The following ASAP1 variants were observed in gnomAD, a reference collection of about 807,000 sequenced individuals.
The protein encoded by ASAP1 is arf-GAP with SH3 domain, ANK repeat and PH domain-containing protein 1.
ASAP1 carries 43 observed loss-of-function variants against 145.2 expected under a neutral mutation model. The ratio of observed to expected loss-of-function variants is 0.30; its 90% CI spans 0.23 to 0.38. The LOEUF (loss-of-function observed/expected upper bound fraction) is 0.38, where lower values mean the gene tolerates loss of function less well. Ranked by LOEUF, ASAP1 falls within the 10% of genes least tolerant of loss-of-function variation. The pLI, the probability that ASAP1 is intolerant of heterozygous loss-of-function variation, is 1.00. For missense variants in ASAP1, 1,018 were observed against 1,355.3 expected (o/e 0.75, Z 3.91); for synonymous variants, 546 against 515.5 (o/e 1.06, Z -0.80).
chr8:130,359,845 G>A (rs953229215), intron 2 of ASAP1, among the ~76,000 whole-genome samples: 1 of 151,396 alleles, frequency 6.6e-6, no homozygotes, highest in African/African-American at 2.4e-5. Flanking sequence ...GGATGGTCTC[G>A]ATCTCCTGAC....
At position 130,053,067 on chromosome 8, in the gene ASAP1, G is replaced by A. The variant is rs903339998; in HGVS notation, c.*1664C>T. The stretch of plus-strand genomic sequence containing the variant: ...AATATTTTGCAGGTTTGTCATGCAA[G>A]GTTTATTTATTAGGTGGCTATTCAA... On this transcript the variant is annotated 3_prime_UTR_variant, in exon 30 of 30. Transcript: ENST00000518721. The A allele has an allele frequency of 8.5e-5, 13 of 152,250 alleles. No homozygotes were observed. The highest frequency in any genetic ancestry group is 2.9e-4 in the African/African-American group (12 of 41,556). 9.4% of individuals were successfully genotyped at this position (152,250 alleles called of 1,614,324 possible). A position where few individuals can be genotyped will look rare whatever the true frequency, so the allele number is the denominator to read the frequency against.
chr8:130,385,630 G>A (rs2138430481), intron 2 of ASAP1, among the ~76,000 whole-genome samples: 2 of 152,342 alleles, frequency 1.3e-5, no homozygotes, highest in African/African-American at 4.8e-5. Flanking sequence ...GAAGTGATTG[G>A]TGAATGGATG....
Position 130,425,348 on chromosome 8 carries a change from TGTA to T in ASAP1, c.-28+18109_-28+18111del, listed in dbSNP as rs1326545907. On this transcript the variant is annotated intron_variant, in intron 1 of 29. Transcript: ENST00000518721. ...CTCCATCTCAAAATATATATATATA[TGTA>T]AATAAAAATACAAAAATAAGCCATG... 2.7e-5 allele frequency among the ~76,000 whole-genome samples: 4 copies of T among 150,834 alleles called. No homozygotes were observed. The East Asian group carries it at 7.8e-4, about 29-fold the overall frequency.
intron 4 of ASAP1, among the ~76,000 whole-genome samples, chr8:130,236,306 T>C (rs1469395727): frequency 6.6e-6 from 1 of 152,046 alleles, no homozygotes; most frequent in Non-Finnish European, 1.5e-5. Context: ...CTACCATTTT[T>C]TGTGGTTACT....
At chr8:130,307,445 C>T (rs757238474) in intron 3 of ASAP1, among the ~76,000 whole-genome samples, 9 of 152,142 alleles carry the variant, frequency 5.9e-5, no homozygotes, top group Non-Finnish European at 8.8e-5. Flanking sequence ...GTCTAAGCCA[C>T]GCCAAGTAGA....
At chr8:130,227,643 C>A (rs1370911570) in intron 4 of ASAP1, among the ~76,000 whole-genome samples, 1 of 149,696 alleles carries the variant, frequency 6.7e-6, no homozygotes, top group Non-Finnish European at 1.5e-5. Flanking sequence ...TTTATTTAAT[C>A]AATTATAAAT....
intron 3 of ASAP1, among the ~76,000 whole-genome samples, chr8:130,303,939 G>A (rs1342928433): frequency 6.6e-6 from 1 of 152,004 alleles, no homozygotes; most frequent in Non-Finnish European, 1.5e-5. Flanking sequence ...CCCTTGTCAT[G>A]GTTAATGAAT....
In ASAP1 at chr8:130,081,195, G is replaced by A. The variant is rs564780537; in HGVS notation, c.2573-1224C>T. On this transcript the variant is annotated intron_variant, in intron 25 of 29. Coordinates refer to ENST00000518721, the MANE Select transcript of ASAP1 (RefSeq NM_018482.4). ...CTGTCTGGGGAAGACATAGCACCTG[G>A]ACAGGTGAAGAACTTTCTAGCGGGT... Among the ~76,000 whole-genome samples, 87 of 152,352 alleles carry A rather than the reference G, an allele frequency of 5.7e-4. 1 individual carries two copies. The South Asian group carries it at 0.017, about 30-fold the overall frequency.
intron 3 of ASAP1, among the ~76,000 whole-genome samples, chr8:130,348,308 T>C (rs2138014472): frequency 6.6e-6 from 1 of 152,322 alleles, no homozygotes; most frequent in East Asian, 1.9e-4. Context: ...CTATAATAGT[T>C]GGTGCCAAAA....
rs1290873307 is a variant in ASAP1 at position 130,211,565 on chromosome 8, A to G, written c.405+2991T>C. On this transcript the variant is annotated intron_variant, in intron 5 of 29. Coordinates refer to ENST00000518721, the MANE Select transcript of ASAP1 (RefSeq NM_018482.4). ...AATAGTGATTTCTTACATCGAACAA[A>G]TAACAAATGTTTTTCTCATCCAGAG... is the stretch of plus-strand genomic sequence containing the variant. Among the ~76,000 whole-genome samples the G allele has an allele frequency of 3.3e-5, 5 of 152,260 alleles. No homozygotes were observed. In the East Asian group the frequency reaches 5.8e-4, roughly 18 times the overall value.
At chr8:130,351,635 A>AG (rs1826001682) in intron 3 of ASAP1, among the ~76,000 whole-genome samples, 1 of 152,162 alleles carries the variant, frequency 6.6e-6, no homozygotes, top group African/African-American at 2.4e-5. Flanking sequence ...TGGCGAAAGC[A>AG]GGGGCGAGAG....
At chr8:130,359,618 GTTTTT>G (rs35447783) in intron 2 of ASAP1, among the ~76,000 whole-genome samples, 1 of 134,164 alleles carries the variant, frequency 7.5e-6, no homozygotes, top group African/African-American at 2.7e-5. Context: ...ATCTTGCACT[GTTTTT>G]TTTTTTTTTT....
chr8:130,362,552 C>T (rs76828023), intron 2 of ASAP1, among the ~76,000 whole-genome samples: 2,535 of 152,294 alleles, frequency 0.017, 74 homozygotes, highest in African/African-American at 0.057. Context: ...TTGAACTCCC[C>T]TTTTCTGTGA....
rs901416164 is a variant in ASAP1, at chr8:130,328,211, C to CA, written c.186+29805dup. Among the ~76,000 whole-genome samples, 8 of 149,166 alleles carry CA rather than the reference C, an allele frequency of 5.4e-5. No homozygotes were observed. The South Asian group carries it at 8.5e-4, about 16-fold the overall frequency. On this transcript the variant is annotated intron_variant, in intron 3 of 29. Coordinates refer to ENST00000518721, the MANE Select transcript of ASAP1 (RefSeq NM_018482.4). ...TGAGGAAATGACCACGACTGGTGGA[C>CA]AAAAAAAAAGGCTTGAGCAAGTTCA...
At chr8:130,228,743 A>C (rs13252244) in intron 4 of ASAP1, among the ~76,000 whole-genome samples, 8,449 of 151,830 alleles carry the variant, frequency 0.056, 269 homozygotes, top group Admixed American at 0.096. Flanking sequence ...ATGAAAAAAA[A>C]CAAAAAAACC....
chr8:130,325,544 T>C (rs548871678), intron 3 of ASAP1, among the ~76,000 whole-genome samples: 2 of 152,366 alleles, frequency 1.3e-5, no homozygotes, highest in African/African-American at 4.8e-5. Context: ...CCTGTCTGAA[T>C]GACTAGTTGA....
intron 29 of ASAP1, among the ~76,000 whole-genome samples, chr8:130,055,514 G>A (rs1214323407): frequency 1.4e-5 from 2 of 146,484 alleles, no homozygotes; most frequent in African/African-American, 5.1e-5. Context: ...CTCTTTGTGA[G>A]TAAAGTGTTG....
chr8:130,054,718 G>C lies in ASAP1; in HGVS notation c.*13C>G. 6.2e-7 allele frequency: 1 copy of C among 1,610,332 alleles called. No homozygotes were observed. Among genetic ancestry groups the C allele is most frequent in the African/African-American group, 1.3e-5 (1 of 74,948 alleles). On this transcript the variant is annotated 3_prime_UTR_variant, in exon 30 of 30. Transcript: ENST00000518721. ...CATGAAGGATGTGGACAATCTTAAGGTTCTGCGTTTTGCTAGTCAGACAGG... is the reference window on the plus strand; with the variant it reads ...CATGAAGGATGTGGACAATCTTAAGCTTCTGCGTTTTGCTAGTCAGACAGG...
In ASAP1 at chr8:130,313,682, C is replaced by T. The variant is rs185140624; in HGVS notation, c.186+44335G>A. ...AAAATAAAAAATAAAATTAAATTAA[C>T]TTCACTGCCTAAAACCATCAGCCCC... On this transcript the variant is annotated intron_variant, in intron 3 of 29. Transcript: ENST00000518721. Among the ~76,000 whole-genome samples, 267 of 152,306 alleles carry T rather than the reference C, an allele frequency of 1.8e-3. 1 individual carries two copies. Among genetic ancestry groups the T allele is most frequent in the Middle Eastern group, 0.01 (3 of 294 alleles).
Sources: allele counts gnomAD v4.1 joint callset (sites outside exome capture counted in the v4.1 genomes callset), GRCh38; gene constraint gnomAD v4.1.1; transcripts MANE v1.5; gene names NCBI Gene and HGNC (gene_info 2026-07-23, HGNC 2026-07-21).